The following SPOCK1 variants were observed in gnomAD, a reference collection of about 807,000 sequenced individuals.
SPOCK1 encodes SPARC (osteonectin), cwcv and kazal like domains proteoglycan 1.
In SPOCK1, 23 loss-of-function variants were observed where a neutral mutation model predicts 55.3. That is an observed-to-expected ratio of 0.42 (90% CI 0.30 to 0.59). The LOEUF is 0.59. Ranked by LOEUF, SPOCK1 falls within the 20% of genes least tolerant of loss-of-function variation. The probability of loss-of-function intolerance (pLI) is 0.22; values close to 1 mark genes in which losing one functional copy is unlikely to be tolerated. For synonymous variants in SPOCK1, 226 were observed against 221.0 expected, an observed-to-expected ratio of 1.02 and a Z score of -0.20; for missense variants, 499 against 552.5, an observed-to-expected ratio of 0.90 and a Z score of 0.97.
chr5:137,156,548 A>G (rs1197849393), intron 3 of SPOCK1, among the ~76,000 whole-genome samples: 3 of 152,024 alleles, frequency 2.0e-5, no homozygotes, highest in African/African-American at 7.2e-5. Context: ...CACCTACTAC[A>G]TGCAGAGAGT....
chr5:137,112,610 T>A (rs144187221), intron 4 of SPOCK1, 49 bp from the exon 5 acceptor site: 2 of 1,587,946 alleles, frequency 1.3e-6, no homozygotes, highest in Non-Finnish European at 1.7e-6. Flanking sequence ...CCAGACCCTA[T>A]GAGTCTTTCC....
At chr5:137,254,071 GC>G (rs1263006257) in intron 3 of SPOCK1, among the ~76,000 whole-genome samples, 10 of 152,172 alleles carry the variant, frequency 6.6e-5, no homozygotes, top group Non-Finnish European at 1.2e-4. Flanking sequence ...TTCTCCTCCT[GC>G]CTAATCACTG....
chr5:137,468,276 C>T (rs570908809), intron 2 of SPOCK1, among the ~76,000 whole-genome samples: 2 of 152,320 alleles, frequency 1.3e-5, no homozygotes, highest in Admixed American at 1.3e-4. Context: ...GACTGAAACA[C>T]TCAAAATAAA....
At chr5:137,493,454 G>A (rs1473088706) in intron 2 of SPOCK1, among the ~76,000 whole-genome samples, 2 of 152,190 alleles carry the variant, frequency 1.3e-5, no homozygotes, top group Admixed American at 6.5e-5. Context: ...AAGTATCATG[G>A]AGAGGCCTGG....
chr5:137,331,834 G>A (rs1394802894), intron 2 of SPOCK1, among the ~76,000 whole-genome samples: 1 of 152,028 alleles, frequency 6.6e-6, no homozygotes, highest in East Asian at 1.9e-4. Context: ...AGATTTGGAG[G>A]GGACAACAAT....
At chr5:137,214,646 A>T (rs1755680975) in intron 3 of SPOCK1, among the ~76,000 whole-genome samples, 1 of 152,222 alleles carries the variant, frequency 6.6e-6, no homozygotes, top group African/African-American at 2.4e-5. Context: ...GCATGAAAAG[A>T]TAAACAGAAA....
intron 2 of SPOCK1, among the ~76,000 whole-genome samples, chr5:137,423,066 C>T (rs886799254): frequency 1.3e-5 from 2 of 152,160 alleles, no homozygotes; most frequent in African/African-American, 2.4e-5. Flanking sequence ...ACCCTGTTTG[C>T]CTGGGTATCA....
intron 6 of SPOCK1, among the ~76,000 whole-genome samples, chr5:137,063,804 C>G (rs139719809): frequency 3.5e-4 from 53 of 152,334 alleles, no homozygotes; most frequent in African/African-American, 1.3e-3. Context: ...TGAGGCAAGC[C>G]TCATAAAACT....
intron 2 of SPOCK1, among the ~76,000 whole-genome samples, chr5:137,496,474 C>G (rs941714080): frequency 6.6e-6 from 1 of 152,160 alleles, no homozygotes; most frequent in Non-Finnish European, 1.5e-5. Context: ...CAAAAAAGCA[C>G]AAGTGTTTTC....
intron 2 of SPOCK1, among the ~76,000 whole-genome samples, chr5:137,423,826 C>A (rs1227822045): frequency 2.6e-5 from 4 of 152,216 alleles, no homozygotes; most frequent in Admixed American, 2.0e-4. Context: ...GTGAGATGAA[C>A]CCAGTACCTC....
At chr5:137,235,429 G>A (rs1166873589) in intron 3 of SPOCK1, among the ~76,000 whole-genome samples, 4 of 152,164 alleles carry the variant, frequency 2.6e-5, no homozygotes, top group Non-Finnish European at 2.9e-5. Context: ...AAACCTTAAC[G>A]CCTTATTTCA....
chr5:137,229,366 G>A (rs565216741), intron 3 of SPOCK1, among the ~76,000 whole-genome samples: 1 of 152,264 alleles, frequency 6.6e-6, no homozygotes, highest in Admixed American at 6.5e-5. Flanking sequence ...CAGCTAAAAG[G>A]GGGGCTGGTC....
chr5:137,384,477 C>T (rs1317762389), intron 2 of SPOCK1, among the ~76,000 whole-genome samples: 9 of 151,860 alleles, frequency 5.9e-5, no homozygotes, highest in African/African-American at 1.7e-4. Context: ...TCTGCAGCTG[C>T]CATCACAAAT....
intron 2 of SPOCK1, among the ~76,000 whole-genome samples, chr5:137,330,690 A>G (rs540293148): frequency 6.6e-6 from 1 of 152,334 alleles, no homozygotes; most frequent in East Asian, 1.9e-4. Context: ...ACATGAGCTC[A>G]ATGTTCTAAT....
chr5:137,351,406 G>A (rs185247628), intron 2 of SPOCK1, among the ~76,000 whole-genome samples: 1 of 152,354 alleles, frequency 6.6e-6, no homozygotes, highest in East Asian at 1.9e-4. Context: ...ACCCTCTAAA[G>A]GAGATATTCT....
At chr5:137,285,238 C>A (rs1030029324) in intron 2 of SPOCK1, among the ~76,000 whole-genome samples, 4 of 152,192 alleles carry the variant, frequency 2.6e-5, no homozygotes, top group Non-Finnish European at 4.4e-5. Flanking sequence ...TTGCATTCTT[C>A]TTCCACACAA....
At chr5:137,042,746 G>A (rs1261782133) in intron 6 of SPOCK1, among the ~76,000 whole-genome samples, 1 of 152,022 alleles carries the variant, frequency 6.6e-6, no homozygotes, top group Admixed American at 6.6e-5. Flanking sequence ...ATAAGCAAGG[G>A]GAGGAAGCTA....
At chr5:137,076,607 TAAAAAAAAAAAAA>T (rs35285273) in intron 5 of SPOCK1, among the ~76,000 whole-genome samples, 1 of 112,670 alleles carries the variant, frequency 8.9e-6, no homozygotes, top group Non-Finnish European at 1.9e-5. Context: ...GGACTGAAAG[TAAAAAAAAAAAAA>T]AAAAAAAAGA....
At chr5:137,420,997 T>A (rs1752480297) in intron 2 of SPOCK1, among the ~76,000 whole-genome samples, 1 of 152,246 alleles carries the variant, frequency 6.6e-6, no homozygotes, top group South Asian at 2.1e-4. Context: ...GTATGTTGTG[T>A]CTTTGTTCTC....
Sources: gnomAD v4.1 joint callset for allele counts (sites outside exome capture counted in the v4.1 genomes callset) on GRCh38, gnomAD v4.1.1 for gene constraint, MANE v1.5 for transcripts, NCBI Gene and HGNC (gene_info 2026-07-23, HGNC 2026-07-21) for gene names.